The following KCNC2 variants were observed in gnomAD, a reference collection of about 807,000 sequenced individuals.
KCNC2 encodes voltage-gated potassium channel KCNC2.
KCNC2 carries 21 observed loss-of-function variants against 44.5 expected under a neutral mutation model. The observed-to-expected ratio is 0.47, with a 90% CI of 0.33 to 0.68. The LOEUF is 0.68. KCNC2 is among the 30% of genes least tolerant of loss of function. KCNC2 has a pLI of 0.01. For missense variants in KCNC2, 589 were observed against 826.2 expected (o/e 0.71, Z 3.52); for synonymous variants, 391 against 339.1 (o/e 1.15, Z -1.68).
chr12:75,110,002 A>T (rs1356943289), intron 2 of KCNC2, among the ~76,000 whole-genome samples: 1 of 152,126 alleles, frequency 6.6e-6, no homozygotes, highest in Non-Finnish European at 1.5e-5. Context: ...AAATACAAGA[A>T]TATAAAAAAA....
At chr12:75,174,792 A>G (rs1702154918) in intron 2 of KCNC2, among the ~76,000 whole-genome samples, 1 of 151,970 alleles carries the variant, frequency 6.6e-6, no homozygotes, top group Non-Finnish European at 1.5e-5. Context: ...GAAGTCTCCC[A>G]TTAGAGTTGC....
chr12:75,118,702 AT>A (rs945823909), intron 2 of KCNC2, among the ~76,000 whole-genome samples: 3 of 152,226 alleles, frequency 2.0e-5, no homozygotes, highest in Non-Finnish European at 4.4e-5. Flanking sequence ...GTGAGATTTA[AT>A]TTAAACTTTA....
intron 2 of KCNC2, among the ~76,000 whole-genome samples, chr12:75,150,834 G>T (rs1360925518): frequency 1.0e-3 from 152 of 151,696 alleles, no homozygotes; most frequent in Non-Finnish European, 3.1e-4. Context: ...TTATATCGTT[G>T]CAAGAATAAA....
chr12:75,121,292 A>G (rs532817471), intron 2 of KCNC2, among the ~76,000 whole-genome samples: 5 of 152,256 alleles, frequency 3.3e-5, no homozygotes, highest in Non-Finnish European at 7.4e-5. Flanking sequence ...CTGTCTTCCA[A>G]TGTCAGCTGA....
intron 2 of KCNC2, among the ~76,000 whole-genome samples, chr12:75,190,665 C>CA (rs1303019206): frequency 2.0e-5 from 3 of 152,078 alleles, no homozygotes; most frequent in Middle Eastern, 3.4e-3. Context: ...TGAAGACACA[C>CA]AAAAATATAT....
chr12:75,172,702 G>C lies in KCNC2; in HGVS notation c.687+34595C>G, dbSNP rs12229094. 2.6e-3 allele frequency among the ~76,000 whole-genome samples: 402 copies of C among 151,984 alleles called. 8 individuals carry two copies. In the East Asian group the frequency reaches 0.045, roughly 17 times the overall value. On this transcript the variant is annotated intron_variant, in intron 2 of 4. Coordinates refer to ENST00000549446, the MANE Select transcript of KCNC2 (RefSeq NM_139137.4). ...CTGTTGGCAACTGGGAGCTTAGAAA[G>C]AGCTAGCCTTTTACATCCTTTCTTA...
At chr12:75,107,078 G>A (rs1886848260) in intron 2 of KCNC2, among the ~76,000 whole-genome samples, 1 of 151,980 alleles carries the variant, frequency 6.6e-6, no homozygotes, top group Non-Finnish European at 1.5e-5. Context: ...GCTGAGGGGG[G>A]CAGATCATGA....
chr12:75,112,365 G>A (rs2137243284), intron 2 of KCNC2, among the ~76,000 whole-genome samples: 1 of 152,028 alleles, frequency 6.6e-6, no homozygotes, highest in African/African-American at 2.4e-5. Context: ...TAGTTTCAAG[G>A]ACTTCTAAGA....
chr12:75,050,804 A>G lies in KCNC2; in HGVS notation c.1201T>C (p.Tyr401His). The change falls in exon 3 of 5, where the codon TAC becomes CAC. Residue 401 changes from tyrosine to histidine, a missense_variant. Around this residue, in one of 7 missense-constraint regions of KCNC2, gnomAD observed 67 missense variants for 237.4 expected, o/e 0.28. Coordinates refer to ENST00000549446, the MANE Select transcript of KCNC2 (RefSeq NM_139137.4). ...LGVLIFATMIYYAERVGAQPN... is the reference protein window; with the variant it reads ...LGVLIFATMIHYAERVGAQPN... Reference sequence around the variant, plus strand: ...TGAGCTCCCACTCTCTCGGCATAGTAGATCATGGTAGCAAATATCAAAACT... The same window carrying G: ...TGAGCTCCCACTCTCTCGGCATAGTGGATCATGGTAGCAAATATCAAAACT... 1.9e-6 allele frequency: 3 copies of G among 1,613,520 alleles called. No individual in the cohort carries two copies. The highest frequency in any genetic ancestry group is 2.5e-6 in the Non-Finnish European group (3 of 1,179,846).
chr12:75,062,799 T>C (rs1463937862), intron 2 of KCNC2, among the ~76,000 whole-genome samples: 1 of 152,020 alleles, frequency 6.6e-6, no homozygotes, highest in Non-Finnish European at 1.5e-5. Flanking sequence ...AGTCAGAAAA[T>C]ACTACATTTA....
intron 3 of KCNC2, among the ~76,000 whole-genome samples, chr12:75,048,649 C>T (rs565645210): frequency 2.0e-5 from 3 of 151,942 alleles, no homozygotes; most frequent in African/African-American, 2.4e-5. Context: ...CAATTTTTGA[C>T]GTTATCTATT....
At chr12:75,172,196 C>A (rs1891874781) in intron 2 of KCNC2, among the ~76,000 whole-genome samples, 1 of 151,736 alleles carries the variant, frequency 6.6e-6, no homozygotes, top group African/African-American at 2.4e-5. Context: ...GAGTTGGAAG[C>A]CATTATCCTC....
intron 2 of KCNC2, among the ~76,000 whole-genome samples, chr12:75,152,790 G>A (rs1017471994): frequency 2.6e-5 from 4 of 152,024 alleles, no homozygotes; most frequent in African/African-American, 9.6e-5. Flanking sequence ...TTTGTTTCAG[G>A]GAGAAGACTC....
chr12:75,201,262 G>GAAAAA lies in KCNC2; in HGVS notation c.687+6030_687+6034dup, dbSNP rs1313998973. ...GGGCAGAAAGTTACAAACGAAATTG[G>GAAAAA]AAAAAAAAAAAAAAAAAAAAAAAAA... On this transcript the variant is annotated intron_variant, in intron 2 of 4. Transcript: ENST00000549446. Among the ~76,000 whole-genome samples the GAAAAA allele has an allele frequency of 4.9e-4, 9 of 18,444 alleles. 2 individuals are homozygous for GAAAAA. Among genetic ancestry groups the GAAAAA allele is most frequent in the Non-Finnish European group, 9.1e-4 (9 of 9,908 alleles). 12.1% of individuals were successfully genotyped at this position (18,444 alleles called of 152,430 possible).
intron 2 of KCNC2, among the ~76,000 whole-genome samples, chr12:75,090,237 C>T (rs1565845674): frequency 6.6e-6 from 1 of 151,710 alleles, no homozygotes; most frequent in Non-Finnish European, 1.5e-5. Context: ...TCTTGCTTCC[C>T]TTATCGATGT....
chr12:75,047,366 A>T (rs1880647920), intron 4 of KCNC2, among the ~76,000 whole-genome samples: 1 of 152,076 alleles, frequency 6.6e-6, no homozygotes, highest in Non-Finnish European at 1.5e-5. Flanking sequence ...TGGTACAATC[A>T]AGGGAAAAGG....
At chr12:75,080,936 T>A (rs1884443996) in intron 2 of KCNC2, among the ~76,000 whole-genome samples, 1 of 152,142 alleles carries the variant, frequency 6.6e-6, no homozygotes, top group South Asian at 2.1e-4. Context: ...AATTCCCATA[T>A]ATTTATTGAC....
intron 1 of KCNC2, among the ~76,000 whole-genome samples, chr12:75,208,485 C>G (rs900359545): frequency 6.6e-6 from 1 of 151,746 alleles, no homozygotes; most frequent in African/African-American, 2.4e-5. Context: ...CCAAGACCCT[C>G]CTCTTTCTCC....
chr12:75,130,723 T>A (rs1184498082), intron 2 of KCNC2, among the ~76,000 whole-genome samples: 1 of 151,362 alleles, frequency 6.6e-6, no homozygotes, highest in Non-Finnish European at 1.5e-5. Context: ...GACTTGGGTA[T>A]ATACACATTT....
Sources: gnomAD v4.1 joint callset for allele counts (sites outside exome capture counted in the v4.1 genomes callset) on GRCh38, gnomAD v4.1.1 for gene constraint, gnomAD v4.1.1 regional missense constraint, MANE v1.5 for transcripts, NCBI Gene and HGNC (gene_info 2026-07-23, HGNC 2026-07-21) for gene names.